The following TANGO6 variants were observed in gnomAD, a reference collection of about 807,000 sequenced individuals.
TANGO6 encodes transport and golgi organization 6 homolog.
In TANGO6, 90 loss-of-function variants were observed where a neutral mutation model predicts 114.2. The observed-to-expected ratio is 0.79, with a 90% CI of 0.66 to 0.94. The LOEUF (loss-of-function observed/expected upper bound fraction) is 0.94, where lower values mean the gene tolerates loss of function less well. Ranked by LOEUF, TANGO6 falls within the 40% of genes least tolerant of loss-of-function variation. The pLI is 0.00. For missense variants in TANGO6, 1,274 were observed against 1,315.3 expected (o/e 0.97, Z 0.49); for synonymous variants, 477 against 509.8 (o/e 0.94, Z 0.87).
intron 7 of TANGO6, among the ~76,000 whole-genome samples, chr16:68,884,854 A>G (rs1328717648): frequency 6.6e-6 from 1 of 152,232 alleles, no homozygotes; most frequent in Non-Finnish European, 1.5e-5. Flanking sequence ...AGTTTGGTCA[A>G]CAGTTTGGCG....
intron 15 of TANGO6, among the ~76,000 whole-genome samples, chr16:68,982,329 T>A (rs896147477): frequency 4.6e-5 from 7 of 152,056 alleles, no homozygotes; most frequent in Non-Finnish European, 1.0e-4. Context: ...CTAACTAAAT[T>A]CTAGCCTATC....
intron 17 of TANGO6, among the ~76,000 whole-genome samples, chr16:69,058,482 C>A (rs753637750): frequency 6.6e-6 from 1 of 152,148 alleles, no homozygotes; most frequent in Non-Finnish European, 1.5e-5. Context: ...GGTTTACATT[C>A]GGATGCCACA....
At chr16:69,061,878 G>A (rs1005764799) in intron 17 of TANGO6, among the ~76,000 whole-genome samples, 24 of 152,038 alleles carry the variant, frequency 1.6e-4, no homozygotes, top group Admixed American at 1.4e-3. Context: ...AATTAGCCGG[G>A]CATGGTGGTG....
At chr16:68,876,603 T>C (rs1187672559) in intron 5 of TANGO6, among the ~76,000 whole-genome samples, 1 of 151,068 alleles carries the variant, frequency 6.6e-6, no homozygotes, top group African/African-American at 2.4e-5. Flanking sequence ...GGCAGATTAC[T>C]TGAGGTCAGG....
chr16:68,918,737 A>G (rs1963047245), intron 11 of TANGO6, among the ~76,000 whole-genome samples: 1 of 152,212 alleles, frequency 6.6e-6, no homozygotes, highest in African/African-American at 2.4e-5. Flanking sequence ...TGAGAACTAA[A>G]TGAGATTGTA....
intron 7 of TANGO6, among the ~76,000 whole-genome samples, chr16:68,892,613 C>T (rs1371689858): frequency 5.3e-5 from 8 of 151,174 alleles, no homozygotes; most frequent in African/African-American, 1.9e-4. Flanking sequence ...CTCCTGGGTT[C>T]AAGGGATTCT....
At chr16:68,857,643 ATGAGAG>A (rs1962019682) in intron 1 of TANGO6, among the ~76,000 whole-genome samples, 1 of 152,188 alleles carries the variant, frequency 6.6e-6, no homozygotes, top group Non-Finnish European at 1.5e-5. Flanking sequence ...CCAGCAATGA[ATGAGAG>A]TTCCTGTTGC....
At chr16:69,044,169 A>G (rs1959814652) in intron 17 of TANGO6, among the ~76,000 whole-genome samples, 2 of 152,076 alleles carry the variant, frequency 1.3e-5, no homozygotes, top group South Asian at 4.1e-4. Context: ...GGTTCAAGCA[A>G]TTCTCATGCT....
At chr16:68,961,939 G>A (rs766972810) in intron 14 of TANGO6, among the ~76,000 whole-genome samples, 10 of 152,204 alleles carry the variant, frequency 6.6e-5, no homozygotes, top group South Asian at 2.1e-4. Flanking sequence ...AGGATGCTTC[G>A]GTAGCTCTTT....
intron 17 of TANGO6, among the ~76,000 whole-genome samples, chr16:69,072,653 A>G (rs1333716137): frequency 6.6e-6 from 1 of 152,136 alleles, no homozygotes; most frequent in Non-Finnish European, 1.5e-5. Context: ...CTATACCAGG[A>G]TGGGTTGCTA....
chr16:68,843,631 A>G lies in TANGO6; in HGVS notation c.14A>G (p.Gln5Arg), dbSNP rs556915330. MAAR[Q>R]AVGSGAQETC... ...TACACTCCAGTCATGGCGGCCCGAC[A>G]GGCCGTGGGCAGCGGGGCTCAGGAG... Residue 5 changes from glutamine (Q) to arginine (R), a missense_variant, in exon 1 of 18, where the codon CAG becomes CGG. This residue lies in a region of TANGO6 where 114 missense variants were observed against 104.6 expected (regional missense o/e 1.09). Coordinates refer to ENST00000261778, the MANE Select transcript of TANGO6 (RefSeq NM_024562.2). 2.7e-5 allele frequency: 44 copies of G among 1,613,430 alleles called. 1 individual carries two copies. In the South Asian group the frequency reaches 4.4e-4, roughly 16 times the overall value.
At chr16:69,002,947 C>G (rs1376123993) in intron 15 of TANGO6, among the ~76,000 whole-genome samples, 1 of 151,828 alleles carries the variant, frequency 6.6e-6, no homozygotes, top group Non-Finnish European at 1.5e-5. Context: ...GAGGCTGAGG[C>G]ACCAGAATCA....
chr16:68,843,736 G>C, intron 1 of TANGO6, 25 bp downstream of exon 1: 2 of 1,611,684 alleles, frequency 1.2e-6, no homozygotes, highest in Non-Finnish European at 8.5e-7. Flanking sequence ...CTCCGCGCCG[G>C]GCTGGACCCG....
chr16:68,954,269 G>C (rs902253189), intron 14 of TANGO6, among the ~76,000 whole-genome samples: 5 of 139,078 alleles, frequency 3.6e-5, no homozygotes, highest in Non-Finnish European at 4.6e-5. Flanking sequence ...AAAAAAAAAA[G>C]GAAGGAGGAA....
intron 7 of TANGO6, among the ~76,000 whole-genome samples, chr16:68,891,237 G>A (rs551958162): frequency 1.2e-4 from 18 of 149,122 alleles, no homozygotes; most frequent in African/African-American, 4.5e-4. Flanking sequence ...GGTTGCAGTA[G>A]GCCGAGATCG....
In TANGO6 at chr16:69,005,771, A is replaced by G. The variant is rs551031903; in HGVS notation, c.2843-17057A>G. Among the ~76,000 whole-genome samples the G allele has an allele frequency of 7.3e-5, 11 of 150,948 alleles. No homozygotes were observed. The East Asian group carries it at 1.8e-3, about 24-fold the overall frequency. On this transcript the variant is annotated intron_variant, in intron 15 of 17. Transcript: ENST00000261778. ...CCATTGTACTCCAGCCTAGGCAACA[A>G]CAATGAAACTTCATCTCAAAAAAAA...
intron 11 of TANGO6, among the ~76,000 whole-genome samples, chr16:68,913,015 G>A (rs1308435557): frequency 6.6e-6 from 1 of 151,262 alleles, no homozygotes; most frequent in East Asian, 1.9e-4. Flanking sequence ...GGGAGGCGGA[G>A]GTTGCAGTGA....
chr16:69,051,465 C>T (rs1436435775), intron 17 of TANGO6, among the ~76,000 whole-genome samples: 1 of 152,186 alleles, frequency 6.6e-6, no homozygotes, highest in African/African-American at 2.4e-5. Context: ...CACCTGAGGT[C>T]AGGAGTTTGA....
chr16:69,017,649 C>T (rs531505353), intron 15 of TANGO6, among the ~76,000 whole-genome samples: 54 of 152,262 alleles, frequency 3.5e-4, no homozygotes, highest in African/African-American at 1.3e-3. Flanking sequence ...GACTCACCAA[C>T]TCACACACTT....
Sources: allele counts gnomAD v4.1 joint callset (sites outside exome capture counted in the v4.1 genomes callset), GRCh38; gene constraint gnomAD v4.1.1; regional missense constraint gnomAD v4.1.1; transcripts MANE v1.5; gene names NCBI Gene and HGNC (gene_info 2026-07-23, HGNC 2026-07-21).